Variants in AP2S1 observed in about 807,000 individuals in gnomAD.
AP2S1 encodes the protein AP-2 complex subunit sigma.
AP2S1 carries 6 observed loss-of-function variants against 21.0 expected under a neutral mutation model. The observed-to-expected ratio is 0.29, with a 90% confidence interval of 0.16 to 0.56. The LOEUF (loss-of-function observed/expected upper bound fraction) is 0.56. AP2S1 is among the 20% of genes least tolerant of loss of function. The probability of loss-of-function intolerance (pLI) is 0.92; values close to 1 mark genes in which losing one functional copy is unlikely to be tolerated. For synonymous variants in AP2S1, 63 were observed against 74.6 expected, an observed-to-expected ratio of 0.84 and a Z score of 0.80; for missense variants, 60 against 186.2, an observed-to-expected ratio of 0.32 and a Z score of 3.95.
chr19:46,850,264 C>T, intron 1 of AP2S1: 3 of 1,234,554 alleles, frequency 2.4e-6, no homozygotes, highest in Non-Finnish European at 3.0e-6. Context: ...AGTCTCCTGC[C>T]CCTGTCTCAA....
chr19:46,838,838 G>A lies in AP2S1; in HGVS notation c.268-39C>T. 1.9e-6 allele frequency: 3 copies of A among 1,590,782 alleles called. No individual in the cohort carries two copies. Among genetic ancestry groups the A allele is most frequent in the Non-Finnish European group, 2.6e-6 (3 of 1,159,500 alleles). On this transcript the variant is annotated intron_variant, in intron 3 of 4. Coordinates refer to ENST00000263270, the MANE Select transcript of AP2S1 (RefSeq NM_004069.6). This position sits in a 1 kb window ranked among gnomAD's most constrained non-coding sequence, Gnocchi z 4.1. ...GCAGAGATGGTAAGAGATGGGCAGG[G>A]AGAGAGCCACACACGCACAGAGATG...
At chr19:46,843,508 G>C (rs1471166150) in intron 2 of AP2S1, among the ~76,000 whole-genome samples, 1 of 152,120 alleles carries the variant, frequency 6.6e-6, no homozygotes, top group Non-Finnish European at 1.5e-5. Flanking sequence ...GATCGCTGGA[G>C]CTCAGGAGTT....
chr19:46,850,147 C>A, intron 1 of AP2S1: 1 of 1,232,306 alleles, frequency 8.1e-7, no homozygotes, highest in Non-Finnish European at 1.0e-6. Flanking sequence ...CAGGTCCTCT[C>A]TCCTTTTACA....
At chr19:46,843,736 A>T (rs1006412451) in intron 2 of AP2S1, among the ~76,000 whole-genome samples, 1 of 151,882 alleles carries the variant, frequency 6.6e-6, no homozygotes, top group Non-Finnish European at 1.5e-5. Context: ...AGAAAAAAAA[A>T]TTTAAAAATT....
At chr19:46,845,703 C>A in intron 2 of AP2S1, 1 of 249,890 alleles carries the variant, frequency 4.0e-6, no homozygotes, top group East Asian at 7.8e-5. Context: ...TTAATAATAA[C>A]AATGCAGAAC....
At chr19:46,839,439 C>CCCCCAAAAAACCCCAACCCCCCCA in intron 3 of AP2S1, 26 bp downstream of exon 3, 2 of 1,569,712 alleles carry the variant, frequency 1.3e-6, no homozygotes, top group East Asian at 2.3e-5. Flanking sequence ...CCCGCCTCCC[C>CCCCCAAAAAACCCCAACCCCCCCA]ACCTTACATC....
chr19:46,839,113 C>G (rs1457727277), intron 3 of AP2S1, among the ~76,000 whole-genome samples: 1 of 151,440 alleles, frequency 6.6e-6, no homozygotes, highest in Non-Finnish European at 1.5e-5. Context: ...ATGGTGAAAC[C>G]CCATCTCTAC....
At chr19:46,846,217 C>T in intron 1 of AP2S1, 75 bp from the exon 2 acceptor site, 1 of 1,565,482 alleles carries the variant, frequency 6.4e-7, no homozygotes, top group Non-Finnish European at 8.7e-7. Context: ...AACGGCCCCA[C>T]CCATCCACCC....
At chr19:46,847,926 G>C (rs1284752444) in intron 1 of AP2S1, among the ~76,000 whole-genome samples, 1 of 151,994 alleles carries the variant, frequency 6.6e-6, no homozygotes, top group African/African-American at 2.4e-5. Context: ...ATTTCTCTTG[G>C]GTATATACCT....
chr19:46,844,617 G>T (rs958820445), intron 2 of AP2S1, among the ~76,000 whole-genome samples: 1 of 151,938 alleles, frequency 6.6e-6, no homozygotes, highest in African/African-American at 2.4e-5. Context: ...GGGCAACATG[G>T]TGAGACCCCA....
In AP2S1 at chr19:46,841,752, C is replaced by T. The variant is rs183098522; in HGVS notation, c.154-2174G>A. Among the ~76,000 whole-genome samples, 11 of 152,216 alleles carry T rather than the reference C, an allele frequency of 7.2e-5. No homozygotes were observed. In the East Asian group the frequency reaches 2.1e-3, roughly 29 times the overall value. On this transcript the variant is annotated intron_variant, in intron 2 of 4. Transcript: ENST00000263270. ...CCTGTGAATATGGGACCTTATATGGCAAAAAGGGACTCTGCAGTCTCAACT... is the reference window on the plus strand; with the variant it reads ...CCTGTGAATATGGGACCTTATATGGTAAAAAGGGACTCTGCAGTCTCAACT...
rs538034454 is a variant in AP2S1 at position 46,840,101 on chromosome 19, G to C, written c.154-523C>G. 3.3e-5 allele frequency among the ~76,000 whole-genome samples: 5 copies of C among 152,164 alleles called. No homozygotes were observed. In the South Asian group the frequency reaches 1.0e-3, roughly 32 times the overall value. On this transcript the variant is annotated intron_variant, in intron 2 of 4. Coordinates refer to ENST00000263270, the MANE Select transcript of AP2S1 (RefSeq NM_004069.6). ...ATGCCAGGCCTGTGATAGGCAGTGT[G>C]GGGAGGAGGGTTACCACTGCCACCA...
At chr19:46,847,333 A>C (rs2055654079) in intron 1 of AP2S1, among the ~76,000 whole-genome samples, 1 of 150,342 alleles carries the variant, frequency 6.7e-6, no homozygotes, top group South Asian at 2.1e-4. Context: ...TCCTGGGTGC[A>C]GGCCTCCCAG....
At chr19:46,850,202 T>G in intron 1 of AP2S1, 1 of 1,232,570 alleles carries the variant, frequency 8.1e-7, no homozygotes, top group Non-Finnish European at 1.0e-6. Flanking sequence ...AGTTGCCTCC[T>G]TTTGGTTTCC....
At chr19:46,848,863 C>A (rs1034099724) in intron 1 of AP2S1, among the ~76,000 whole-genome samples, 2 of 151,964 alleles carry the variant, frequency 1.3e-5, no homozygotes, top group African/African-American at 4.8e-5. Context: ...CAGGCGCATG[C>A]CACCATGCCC....
At chr19:46,840,100 TG>T (rs945282781) in intron 2 of AP2S1, among the ~76,000 whole-genome samples, 3 of 152,008 alleles carry the variant, frequency 2.0e-5, no homozygotes, top group African/African-American at 7.2e-5. Flanking sequence ...ATAGGCAGTG[TG>T]GGGAGGAGGG....
At chr19:46,840,142 C>A (rs181475034) in intron 2 of AP2S1, among the ~76,000 whole-genome samples, 1 of 152,032 alleles carries the variant, frequency 6.6e-6, no homozygotes, top group African/African-American at 2.4e-5. Context: ...ATCCTGGGTC[C>A]TTGTCCTGCC....
chr19:46,840,527 C>A (rs141139247), intron 2 of AP2S1, among the ~76,000 whole-genome samples: 185 of 151,912 alleles, frequency 1.2e-3, no homozygotes, highest in African/African-American at 4.3e-3. Context: ...GTGGTCCCAG[C>A]TACTCGGGAG....
chr19:46,840,367 C>CAAAAA (rs60907407), intron 2 of AP2S1, among the ~76,000 whole-genome samples: 19 of 100,408 alleles, frequency 1.9e-4, no homozygotes, highest in African/African-American at 6.2e-4. Flanking sequence ...AGGTTCATTA[C>CAAAAA]AAAAAAAAAA....
Sources: allele counts gnomAD v4.1 joint callset (sites outside exome capture counted in the v4.1 genomes callset), GRCh38; gene constraint gnomAD v4.1.1; non-coding constraint Gnocchi (gnomAD v3.1); transcripts MANE v1.5; gene names NCBI Gene and HGNC (gene_info 2026-07-23, HGNC 2026-07-21).